Variants in UGGT1 observed in about 807,000 individuals in gnomAD.
The protein encoded by UGGT1 is UDP-glucose:glycoprotein glucosyltransferase 1.
UGGT1 carries 107 observed loss-of-function variants against 203.9 expected under a neutral mutation model. The observed-to-expected ratio is 0.52, with a 90% CI of 0.45 to 0.62. The LOEUF (loss-of-function observed/expected upper bound fraction) is 0.62, where lower values mean the gene tolerates loss of function less well. Ranked by LOEUF, UGGT1 falls within the 20% of genes least tolerant of loss-of-function variation. The pLI, the probability that UGGT1 is intolerant of heterozygous loss-of-function variation, is 0.00. For missense variants in UGGT1, 1,673 were observed against 1,867.2 expected (o/e 0.90, Z 1.92); for synonymous variants, 628 against 653.5 (o/e 0.96, Z 0.59).
intron 3 of UGGT1, among the ~76,000 whole-genome samples, chr2:128,104,731 C>T (rs562933532): frequency 6.6e-6 from 1 of 152,272 alleles, no homozygotes. Flanking sequence ...ACTGCAACCT[C>T]CATCTCCCAG....
chr2:128,179,396 T>G (rs1335874116), intron 34 of UGGT1, among the ~76,000 whole-genome samples: 1 of 152,206 alleles, frequency 6.6e-6, no homozygotes, highest in African/African-American at 2.4e-5. Flanking sequence ...TTACACATTC[T>G]TCCCTTAGCA....
chr2:128,127,734 C>T (rs1688670565), intron 12 of UGGT1, among the ~76,000 whole-genome samples: 1 of 152,142 alleles, frequency 6.6e-6, no homozygotes, highest in African/African-American at 2.4e-5. Flanking sequence ...TAGAAAAGAA[C>T]AGGTTCTTTG....
At chr2:128,108,979 A>T (rs1409472459) in intron 4 of UGGT1, among the ~76,000 whole-genome samples, 1 of 151,070 alleles carries the variant, frequency 6.6e-6, no homozygotes, top group Non-Finnish European at 1.5e-5. Context: ...GCGCAATCAC[A>T]GCTCACTGCA....
chr2:128,112,978 C>G, intron 5 of UGGT1, 106 bp from the exon 6 acceptor site: 1 of 1,057,342 alleles, frequency 9.5e-7, no homozygotes, highest in African/African-American at 1.6e-5. Context: ...TATTAAGATG[C>G]TTATAATCTT....
chr2:128,179,947 T>A (rs1691603629), intron 35 of UGGT1, 77 bp downstream of exon 35: 1 of 1,395,156 alleles, frequency 7.2e-7, no homozygotes, highest in Non-Finnish European at 9.9e-7. Flanking sequence ...TTTTGTTTTA[T>A]CTGTATACTT....
At position 128,126,945 on chromosome 2, in the gene UGGT1, A is replaced by G. The variant is rs143368648; in HGVS notation, c.1135-416A>G. ...TGATCCACCTGCCTTGGCCTCCCCA[A>G]GTGCTGAGATTACAGGTGTGAGCCT... On this transcript the variant is annotated intron_variant, in intron 11 of 40. Coordinates refer to ENST00000259253, the MANE Select transcript of UGGT1 (RefSeq NM_020120.4). 1.3e-3 allele frequency among the ~76,000 whole-genome samples: 204 copies of G among 152,192 alleles called. 2 individuals are homozygous for G. Among genetic ancestry groups the G allele is most frequent in the African/African-American group, 4.3e-3 (177 of 41,538 alleles).
intron 2 of UGGT1, among the ~76,000 whole-genome samples, chr2:128,100,787 G>A (rs1687342223): frequency 1.3e-5 from 2 of 152,064 alleles, no homozygotes; most frequent in Non-Finnish European, 2.9e-5. Flanking sequence ...CTAATTTCTT[G>A]ATAGTTGTAC....
intron 11 of UGGT1, among the ~76,000 whole-genome samples, chr2:128,124,072 A>G (rs1187960972): frequency 6.6e-6 from 1 of 152,098 alleles, no homozygotes; most frequent in African/African-American, 2.4e-5. Context: ...CAGCCTCCCA[A>G]GTAGCTGGGA....
intron 40 of UGGT1, among the ~76,000 whole-genome samples, chr2:128,188,900 G>A (rs1423848882): frequency 6.6e-6 from 1 of 152,190 alleles, no homozygotes; most frequent in East Asian, 1.9e-4. Context: ...TATCACAGCT[G>A]GAAGGTTATA....
intron 8 of UGGT1, among the ~76,000 whole-genome samples, chr2:128,118,843 T>C (rs1381812697): frequency 6.6e-6 from 1 of 151,744 alleles, no homozygotes; most frequent in African/African-American, 2.4e-5. Flanking sequence ...TCAGTTTTTG[T>C]ATTTGTGGTA....
intron 21 of UGGT1, 92 bp from the exon 22 acceptor site, chr2:128,157,160 C>G: frequency 6.5e-6 from 6 of 922,386 alleles, no homozygotes; most frequent in Non-Finnish European, 1.0e-5. Context: ...ATGGTTCTTA[C>G]AAATTATTTG....
intron 39 of UGGT1, 148 bp from the exon 40 acceptor site, chr2:128,187,301 C>G (rs1228307409): frequency 2.6e-6 from 2 of 764,948 alleles, no homozygotes; most frequent in East Asian, 5.7e-5. Context: ...TTACATAGCC[C>G]ACTACCATAT....
In UGGT1 at chr2:128,187,583, C is replaced by T. The variant is rs192038512; in HGVS notation, c.4611C>T (p.Tyr1537=). The T allele has an allele frequency of 2.0e-4, 329 of 1,613,516 alleles. No individual in the cohort carries two copies. Among genetic ancestry groups the T allele is most frequent in the Non-Finnish European group, 2.7e-4 (315 of 1,179,756 alleles). The change falls in exon 40 of 41, where the codon TAC becomes TAT. Residue 1537 remains tyrosine, a synonymous_variant. Transcript: ENST00000259253. ...FQKEKETGAL[Y]KEKTKEPSRE... ...AGGAGAAAGAAACGGGAGCACTGTACAAAGAGAAGACAAAAGAACCAAGCC... is the reference window on the plus strand; with the variant it reads ...AGGAGAAAGAAACGGGAGCACTGTATAAAGAGAAGACAAAAGAACCAAGCC...
At chr2:128,118,037 CA>C (rs1361187249) in intron 8 of UGGT1, among the ~76,000 whole-genome samples, 1 of 150,410 alleles carries the variant, frequency 6.6e-6, no homozygotes, top group African/African-American at 2.5e-5. Flanking sequence ...AGAAAGTGAT[CA>C]AATAGAAATA....
intron 28 of UGGT1, 60 bp downstream of exon 28, chr2:128,171,344 T>C: frequency 6.9e-7 from 1 of 1,455,022 alleles, no homozygotes; most frequent in Non-Finnish European, 9.5e-7. Flanking sequence ...AGTTCTGATA[T>C]TGCATGTTAG....
intron 10 of UGGT1, among the ~76,000 whole-genome samples, chr2:128,122,299 A>T (rs1474424615): frequency 6.6e-6 from 1 of 151,294 alleles, no homozygotes; most frequent in African/African-American, 2.4e-5. Context: ...TTGGGACGAC[A>T]AGGTGGGTGG....
chr2:128,159,329 G>C (rs1030417953), intron 22 of UGGT1, among the ~76,000 whole-genome samples, 185 bp from the exon 23 acceptor site: 1 of 152,032 alleles, frequency 6.6e-6, no homozygotes, highest in Admixed American at 6.5e-5. Flanking sequence ...TCGAACTCCT[G>C]ATCTCGTGGT....
intron 24 of UGGT1, 43 bp downstream of exon 24, chr2:128,160,634 A>C (rs202205341): frequency 6.4e-7 from 1 of 1,573,612 alleles, no homozygotes; most frequent in East Asian, 2.3e-5. Context: ...ATCCGTGAAC[A>C]GTCTTTGCAG....
At chr2:128,114,639 C>T (rs978178440) in intron 6 of UGGT1, among the ~76,000 whole-genome samples, 3 of 152,160 alleles carry the variant, frequency 2.0e-5, no homozygotes, top group African/African-American at 7.2e-5. Context: ...TCAAAAAACA[C>T]CTCTGGGACT....
Sources: allele counts gnomAD v4.1 joint callset (sites outside exome capture counted in the v4.1 genomes callset), GRCh38; gene constraint gnomAD v4.1.1; transcripts MANE v1.5; gene names NCBI Gene and HGNC (gene_info 2026-07-23, HGNC 2026-07-21).